NR2F1-AS1: variants seen among roughly 807,000 people sequenced by gnomAD.
The protein encoded by NR2F1-AS1 is NR2F1 regulatory antisense RNA 1, also known as NR2F1 antisense RNA 1.
intron 4 of NR2F1-AS1, among the ~76,000 whole-genome samples, chr5:93,464,391 C>A (rs1388615972): frequency 6.6e-6 from 1 of 152,180 alleles, no homozygotes; most frequent in African/African-American, 2.4e-5. Context: ...CGGACTAATA[C>A]AACCACAAAG....
At chr5:93,462,475 T>C (rs1009615919) in intron 4 of NR2F1-AS1, among the ~76,000 whole-genome samples, 2 of 152,044 alleles carry the variant, frequency 1.3e-5, no homozygotes, top group Admixed American at 6.6e-5. Flanking sequence ...AGCATGAAAA[T>C]AGAATAATAT....
chr5:93,490,440 T>C (rs998063851), intron 4 of NR2F1-AS1, among the ~76,000 whole-genome samples: 11 of 150,998 alleles, frequency 7.3e-5, no homozygotes, highest in South Asian at 2.1e-4. Flanking sequence ...ATGGTGATGA[T>C]GGGAGTGGTG....
intron 2 of NR2F1-AS1, among the ~76,000 whole-genome samples, chr5:93,560,864 A>AC (rs1752470308): frequency 6.6e-6 from 1 of 152,386 alleles, no homozygotes; most frequent in African/African-American, 2.4e-5. Flanking sequence ...TGTGAACTGA[A>AC]ATTTGCTCCT....
chr5:93,513,153 T>TA (rs143317604), intron 4 of NR2F1-AS1, among the ~76,000 whole-genome samples: 2,220 of 151,682 alleles, frequency 0.015, 31 homozygotes, highest in Non-Finnish European at 0.023. Flanking sequence ...TATTGAAGAG[T>TA]AAAAAAACAA....
intron 4 of NR2F1-AS1, among the ~76,000 whole-genome samples, chr5:93,510,687 A>T (rs1023805997): frequency 2.0e-5 from 3 of 152,178 alleles, no homozygotes; most frequent in African/African-American, 7.2e-5. Flanking sequence ...TAATGTTTTT[A>T]ATTCACAAAA....
chr5:93,468,911 C>T (rs1191953793), intron 4 of NR2F1-AS1, among the ~76,000 whole-genome samples: 1 of 152,146 alleles, frequency 6.6e-6, no homozygotes, highest in African/African-American at 2.4e-5. Context: ...GGAATCCTTT[C>T]CCCATTGCTT....
chr5:93,512,913 C>G, intron 4 of NR2F1-AS1, among the ~76,000 whole-genome samples: 1 of 152,126 alleles, frequency 6.6e-6, no homozygotes, highest in Non-Finnish European at 1.5e-5. Context: ...GACAAAGTCA[C>G]CTAATGACAC....
chr5:93,565,769 A>C (rs1438595604), intron 1 of NR2F1-AS1, among the ~76,000 whole-genome samples: 1 of 151,908 alleles, frequency 6.6e-6, no homozygotes, highest in Non-Finnish European at 1.5e-5. Flanking sequence ...TCTCCTGCTG[A>C]GTTTAAAAGG....
chr5:93,425,023 G>A (rs768895968), intron 4 of NR2F1-AS1, among the ~76,000 whole-genome samples: 1 of 152,048 alleles, frequency 6.6e-6, no homozygotes, highest in African/African-American at 2.4e-5. Context: ...TTTCCTGTAC[G>A]CTACATATAA....
intron 4 of NR2F1-AS1, among the ~76,000 whole-genome samples, chr5:93,456,832 G>A (rs1417708112): frequency 6.6e-6 from 1 of 151,794 alleles, no homozygotes; most frequent in African/African-American, 2.4e-5. Context: ...AGGACAACAG[G>A]GTAATAGTGG....
At chr5:93,458,991 G>A (rs933707426) in intron 4 of NR2F1-AS1, among the ~76,000 whole-genome samples, 6 of 151,932 alleles carry the variant, frequency 3.9e-5, no homozygotes, top group African/African-American at 7.3e-5. Context: ...CAGCCTGAGC[G>A]ACAGAGTGAG....
At chr5:93,413,972 G>A (rs1748915650) in intron 4 of NR2F1-AS1, among the ~76,000 whole-genome samples, 1 of 152,094 alleles carries the variant, frequency 6.6e-6, no homozygotes. Flanking sequence ...AAATCCTGGG[G>A]GGTTTGTAAG....
chr5:93,550,574 T>G (rs894139741), intron 4 of NR2F1-AS1, among the ~76,000 whole-genome samples: 2 of 152,256 alleles, frequency 1.3e-5, no homozygotes, highest in Admixed American at 1.3e-4. Context: ...CCAGGCAGCC[T>G]ATAGAACTGA....
chr5:93,516,714 T>C (rs1171169713), intron 4 of NR2F1-AS1, among the ~76,000 whole-genome samples: 1 of 151,956 alleles, frequency 6.6e-6, no homozygotes, highest in Admixed American at 6.6e-5. Flanking sequence ...CATCTTTTCA[T>C]TGTACCACAA....
chr5:93,431,145 A>G (rs1749304684), intron 4 of NR2F1-AS1, among the ~76,000 whole-genome samples: 1 of 152,124 alleles, frequency 6.6e-6, no homozygotes, highest in African/African-American at 2.4e-5. Context: ...GCTATAAACT[A>G]CCCATAAAAA....
chr5:93,474,029 A>G (rs1199192617), intron 4 of NR2F1-AS1, among the ~76,000 whole-genome samples: 1 of 152,128 alleles, frequency 6.6e-6, no homozygotes, highest in Admixed American at 6.5e-5. Context: ...CTATATTATT[A>G]TTACTTGATA....
intron 4 of NR2F1-AS1, among the ~76,000 whole-genome samples, chr5:93,466,612 A>G (rs1476951012): frequency 1.3e-5 from 2 of 151,924 alleles, no homozygotes; most frequent in African/African-American, 2.4e-5. Flanking sequence ...TGCTGGGATT[A>G]CAGGTGTGAG....
intron 4 of NR2F1-AS1, among the ~76,000 whole-genome samples, chr5:93,455,392 T>C (rs1490383435): frequency 1.1e-4 from 17 of 152,020 alleles, no homozygotes; most frequent in Admixed American, 1.1e-3. Context: ...GAGCAATCAC[T>C]AGTAAATTAA....
chr5:93,530,970 A>T (rs1438484396), intron 4 of NR2F1-AS1, among the ~76,000 whole-genome samples: 1 of 152,236 alleles, frequency 6.6e-6, no homozygotes, highest in African/African-American at 2.4e-5. Context: ...TGGGGAAAAC[A>T]AATGAAGATC....
Sources: allele counts gnomAD v4.1 joint callset (sites outside exome capture counted in the v4.1 genomes callset), GRCh38; gene constraint gnomAD v4.1.1; transcripts MANE v1.5; gene names NCBI Gene and HGNC (gene_info 2026-07-23, HGNC 2026-07-21).